PDE4D: variants seen among roughly 807,000 people sequenced by gnomAD.
The protein encoded by PDE4D is 3',5'-cyclic-AMP phosphodiesterase 4D.
Under a neutral mutation model 87.4 loss-of-function variants are expected in PDE4D, and 24 were observed. The observed-to-expected ratio is 0.27, with a 90% CI of 0.20 to 0.39. The LOEUF (loss-of-function observed/expected upper bound fraction) is 0.39, where lower values mean the gene tolerates loss of function less well. PDE4D is among the 10% of genes least tolerant of loss of function. The pLI is 1.00. For synonymous variants in PDE4D, 384 were observed against 383.2 expected, an observed-to-expected ratio of 1.00 and a Z score of -0.02; for missense variants, 714 against 1,041.0, an observed-to-expected ratio of 0.69 and a Z score of 4.32.
chr5:59,339,669 G>C (rs1778365272), intron 1 of PDE4D, among the ~76,000 whole-genome samples: 1 of 152,102 alleles, frequency 6.6e-6, no homozygotes, highest in Admixed American at 6.5e-5. Context: ...CGGTCATGTG[G>C]GCTCAGGAGT....
chr5:59,406,671 A>G (rs562867588), intron 1 of PDE4D, among the ~76,000 whole-genome samples: 1 of 152,212 alleles, frequency 6.6e-6, no homozygotes, highest in South Asian at 2.1e-4. Flanking sequence ...TACAGGTGTG[A>G]GCCATTGTGC....
chr5:60,479,894 T>G (rs1205570424), intron 1 of PDE4D, among the ~76,000 whole-genome samples: 3 of 152,166 alleles, frequency 2.0e-5, no homozygotes, highest in Non-Finnish European at 4.4e-5. Context: ...ACACCTATTC[T>G]CTCATTTTAT....
Position 60,207,472 on chromosome 5 carries a change from T to C in PDE4D, c.-89-21785A>G, listed in dbSNP as rs368047518. 5.9e-5 allele frequency among the ~76,000 whole-genome samples: 9 copies of C among 152,344 alleles called. No individual in the cohort carries two copies. The South Asian group carries it at 8.3e-4, about 14-fold the overall frequency. Reference sequence around the variant, plus strand: ...ACATGGAGGGTAGTCTAATCATTTATTTGTTGTTTTCTAACAGAAGTCCTT... The same window carrying C: ...ACATGGAGGGTAGTCTAATCATTTACTTGTTGTTTTCTAACAGAAGTCCTT... On this transcript the variant is annotated intron_variant, in intron 1 of 16. Transcript: ENST00000502484.
chr5:59,727,441 T>C (rs1241551902), intron 1 of PDE4D, among the ~76,000 whole-genome samples: 1 of 152,126 alleles, frequency 6.6e-6, no homozygotes, highest in Non-Finnish European at 1.5e-5. Flanking sequence ...CCAGCTGATG[T>C]TTGATTACAT....
chr5:59,277,986 T>C (rs1395082290), intron 1 of PDE4D, among the ~76,000 whole-genome samples: 2 of 152,160 alleles, frequency 1.3e-5, no homozygotes, highest in Non-Finnish European at 2.9e-5. Flanking sequence ...AATCTGACAA[T>C]GTATGGAACT....
chr5:59,456,016 T>C (rs1410741222), intron 1 of PDE4D, among the ~76,000 whole-genome samples: 2 of 152,160 alleles, frequency 1.3e-5, no homozygotes, highest in African/African-American at 4.8e-5. Flanking sequence ...GGCTCATAGG[T>C]AGAAGGGACT....
At chr5:59,115,740 T>G (rs924167656) in intron 5 of PDE4D, among the ~76,000 whole-genome samples, 1 of 152,172 alleles carries the variant, frequency 6.6e-6, no homozygotes, top group Admixed American at 6.5e-5. Flanking sequence ...AATTGAGGTA[T>G]AATAGATATC....
intron 1 of PDE4D, among the ~76,000 whole-genome samples, chr5:60,303,307 C>CTTTTTT (rs879522679): frequency 7.8e-6 from 1 of 127,830 alleles, no homozygotes; most frequent in African/African-American, 3.1e-5. Context: ...ATCTGGATTT[C>CTTTTTT]TTTTTTTTTT....
At chr5:59,628,571 C>G (rs1038549403) in intron 1 of PDE4D, among the ~76,000 whole-genome samples, 1 of 152,048 alleles carries the variant, frequency 6.6e-6, no homozygotes, top group Admixed American at 6.6e-5. Flanking sequence ...TGAGCCCTAA[C>G]CTCAAGCCAG....
intron 5 of PDE4D, among the ~76,000 whole-genome samples, chr5:59,057,182 C>A (rs1265374536): frequency 6.6e-6 from 1 of 152,156 alleles, no homozygotes; most frequent in Non-Finnish European, 1.5e-5. Context: ...ACAAGGCTGG[C>A]AGATCCCTGT....
intron 1 of PDE4D, among the ~76,000 whole-genome samples, chr5:60,382,577 T>A (rs1282445088): frequency 6.6e-6 from 1 of 152,206 alleles, no homozygotes; most frequent in Admixed American, 6.5e-5. Flanking sequence ...TTTGATCATT[T>A]CAGAAACTCC....
At chr5:59,594,890 G>A (rs985649368) in intron 1 of PDE4D, among the ~76,000 whole-genome samples, 1 of 152,032 alleles carries the variant, frequency 6.6e-6, no homozygotes, top group Non-Finnish European at 1.5e-5. Flanking sequence ...TAGAGATAAT[G>A]ATGTATCAAT....
intron 3 of PDE4D, among the ~76,000 whole-genome samples, chr5:59,952,359 C>A (rs939318968): frequency 1.3e-5 from 2 of 152,124 alleles, no homozygotes; most frequent in Non-Finnish European, 2.9e-5. Context: ...GTAAAATTCT[C>A]ACCCCATCCA....
chr5:59,949,410 G>C (rs1758052813), intron 3 of PDE4D, among the ~76,000 whole-genome samples: 1 of 142,416 alleles, frequency 7.0e-6, no homozygotes, highest in Admixed American at 7.1e-5. Flanking sequence ...TCCAGCCTGG[G>C]CGACAAAGCA....
chr5:59,323,557 G>T (rs1315206031), intron 1 of PDE4D, among the ~76,000 whole-genome samples: 8 of 152,036 alleles, frequency 5.3e-5, no homozygotes, highest in African/African-American at 1.7e-4. Context: ...GTCCAAGCCA[G>T]AAATGTGAGT....
chr5:59,503,650 G>A (rs577655880), intron 1 of PDE4D, among the ~76,000 whole-genome samples: 131 of 152,170 alleles, frequency 8.6e-4, no homozygotes, highest in Non-Finnish European at 1.6e-3. Context: ...TTATTCTACT[G>A]TGTTTCACTA....
chr5:59,284,555 G>A (rs572771211), intron 1 of PDE4D, among the ~76,000 whole-genome samples: 1 of 150,440 alleles, frequency 6.6e-6, no homozygotes, highest in East Asian at 2.0e-4. Flanking sequence ...TAAAAAGTCA[G>A]GAAACAACAG....
intron 1 of PDE4D, among the ~76,000 whole-genome samples, chr5:59,431,023 G>A (rs1482217501): frequency 6.6e-6 from 1 of 152,016 alleles, no homozygotes; most frequent in Non-Finnish European, 1.5e-5. Context: ...ATTCATGATA[G>A]AACTGAACTT....
intron 1 of PDE4D, among the ~76,000 whole-genome samples, chr5:59,644,224 G>A (rs1742087048): frequency 6.6e-6 from 1 of 152,142 alleles, no homozygotes; most frequent in Admixed American, 6.6e-5. Flanking sequence ...TATATTGACT[G>A]CTCTCAACCA....
Sources: gnomAD v4.1 joint callset for allele counts (sites outside exome capture counted in the v4.1 genomes callset) on GRCh38, gnomAD v4.1.1 for gene constraint, MANE v1.5 for transcripts, NCBI Gene and HGNC (gene_info 2026-07-23, HGNC 2026-07-21) for gene names.